GMFG: variants seen among roughly 807,000 people sequenced by gnomAD.
The protein encoded by GMFG is glia maturation factor gamma.
In GMFG, 21 loss-of-function variants were observed where a neutral mutation model predicts 26.1. The ratio of observed to expected loss-of-function variants is 0.80; its 90% CI spans 0.57 to 1.16. GMFG has a LOEUF of 1.16. Ranked by LOEUF, GMFG falls within the 50% of genes most tolerant of loss-of-function variation. The pLI is 0.00. For missense variants in GMFG, 161 were observed against 178.3 expected (o/e 0.90, Z 0.55); for synonymous variants, 65 against 60.8 (o/e 1.07, Z -0.32).
intron 1 of GMFG, 44 bp from the exon 2 acceptor site, chr19:39,335,575 C>T: frequency 2.3e-6 from 3 of 1,282,026 alleles, no homozygotes; most frequent in Non-Finnish European, 3.4e-6. Flanking sequence ...CTGGCCTCAG[C>T]CCTCACCCCT....
chr19:39,334,532 C>T (rs1032137273), intron 3 of GMFG, among the ~76,000 whole-genome samples: 6 of 151,620 alleles, frequency 4.0e-5, no homozygotes, highest in African/African-American at 1.2e-4. Flanking sequence ...CCTCCCAAAG[C>T]GCTGGGATTA....
chr19:39,330,623 G>T (rs996777253), intron 4 of GMFG, among the ~76,000 whole-genome samples: 4 of 149,594 alleles, frequency 2.7e-5, no homozygotes, highest in Non-Finnish European at 5.9e-5. Flanking sequence ...TTGAGACAGG[G>T]TCTCACTTTG....
At chr19:39,329,513 C>T (rs369802035) in intron 5 of GMFG, 31 bp downstream of exon 5, 1 of 1,301,712 alleles carries the variant, frequency 7.7e-7, no homozygotes, top group East Asian at 2.3e-5. Context: ...ATCGAAGACC[C>T]TCTCCTGAGG....
chr19:39,332,550 T>G (rs1268392207), intron 4 of GMFG, among the ~76,000 whole-genome samples: 1 of 149,178 alleles, frequency 6.7e-6, no homozygotes, highest in South Asian at 2.1e-4. Context: ...AAAAAAAGAC[T>G]CTTAAACCGG....
rs769527080 is a variant in GMFG at position 39,336,020 on chromosome 19, CT to C, written c.-45del. ...CCTCTTCTTTTCTTAGTTCCGCTGT[CT>C]TCTAGGCGTGGGGACCGGGGCTGTA... On this transcript the variant is annotated 5_prime_UTR_variant, in exon 1 of 7. Transcript: ENST00000597595. 6.3e-7 allele frequency: 1 copy of C among 1,582,314 alleles called. No homozygotes were observed.
chr19:39,328,878 T>TAA, intron 6 of GMFG, 122 bp downstream of exon 6: 4 of 779,488 alleles, frequency 5.1e-6, no homozygotes, highest in Non-Finnish European at 6.7e-6. Context: ...ACCCAGTTCT[T>TAA]TAAAAAAACA....
At chr19:39,334,811 T>C (rs2075242359) in intron 3 of GMFG, among the ~76,000 whole-genome samples, 1 of 152,136 alleles carries the variant, frequency 6.6e-6, no homozygotes, top group Admixed American at 6.5e-5. Context: ...GGGTCATGAG[T>C]GAGCTAGAAC....
Position 39,329,038 on chromosome 19 carries a change from T to A in GMFG, c.319A>T (p.Ser107Cys). ...GCTGTCTGCACCAGCCTGTTTTTAC[T>A]CCCTGCATACATCATCTGTTGTTCC... The part of the protein sequence containing the change: ...KPEQQMMYAG[S>C]KNRLVQTAEL... The change falls in exon 6 of 7, where the codon AGT (serine) becomes TGT (cysteine). Residue 107 changes from serine (S) to cysteine (C), a missense_variant. Physicochemically the swap from Ser to Cys is moderately radical, Grantham distance 112. Coordinates refer to ENST00000597595, the MANE Select transcript of GMFG (RefSeq NM_004877.4). The A allele has an allele frequency of 6.2e-7, 1 of 1,613,812 alleles. No homozygotes were observed. Among genetic ancestry groups the A allele is most frequent in the Non-Finnish European group, 8.5e-7 (1 of 1,179,712 alleles).
chr19:39,335,423 G>A lies in GMFG; in HGVS notation c.100+12C>T, dbSNP rs2075245193. On this transcript the variant is annotated intron_variant, in intron 2 of 6. Coordinates refer to ENST00000597595, the MANE Select transcript of GMFG (RefSeq NM_004877.4). ...GCCCTCCCATCCTTCTGTGGGGGAA[G>A]ATGTCACTCACTTATGATGGCTGCA... is the stretch of plus-strand genomic sequence containing the variant. The A allele has an allele frequency of 6.2e-7, 1 of 1,602,680 alleles. No homozygotes were observed. Among genetic ancestry groups the A allele is most frequent in the Admixed American group, 1.7e-5 (1 of 59,986 alleles).
At chr19:39,333,173 A>T in intron 3 of GMFG, 47 bp from the exon 4 acceptor site, 1 of 1,193,330 alleles carries the variant, frequency 8.4e-7, no homozygotes. Flanking sequence ...GGCAGGGCGC[A>T]GTGGCTCACA....
chr19:39,328,899 CAAAA>C (rs943100761), intron 6 of GMFG, 97 bp downstream of exon 6: 1 of 897,224 alleles, frequency 1.1e-6, no homozygotes, highest in African/African-American at 1.7e-5. Context: ...AAAACAAAAA[CAAAA>C]ACCACTGAGA....
intron 3 of GMFG, among the ~76,000 whole-genome samples, chr19:39,334,988 T>C (rs1327357841): frequency 6.6e-6 from 1 of 152,178 alleles, no homozygotes; most frequent in Non-Finnish European, 1.5e-5. Context: ...TAGCTGTGAT[T>C]ACAGGTGCCC....
chr19:39,332,063 C>T (rs908199811), intron 4 of GMFG, among the ~76,000 whole-genome samples: 2 of 151,702 alleles, frequency 1.3e-5, no homozygotes, highest in African/African-American at 4.8e-5. Flanking sequence ...AGGTCCTCCA[C>T]CAGGCGCGGT....
At chr19:39,328,630 G>A in intron 6 of GMFG, 82 bp from the exon 7 acceptor site, 2 of 1,011,694 alleles carry the variant, frequency 2.0e-6, no homozygotes, top group Non-Finnish European at 3.1e-6. Flanking sequence ...CTGTAAGAGA[G>A]CACTTTGGGA....
chr19:39,334,267 C>G (rs1165557657), intron 3 of GMFG, among the ~76,000 whole-genome samples: 1 of 152,118 alleles, frequency 6.6e-6, no homozygotes, highest in African/African-American at 2.4e-5. Flanking sequence ...CCGCCCGCCT[C>G]AGCCTCCCAA....
At chr19:39,329,716 C>A in intron 4 of GMFG, 90 bp from the exon 5 acceptor site, 1 of 806,844 alleles carries the variant, frequency 1.2e-6, no homozygotes, top group East Asian at 2.5e-5. Flanking sequence ...GAAATGTTGG[C>A]TGAGTCTGAG....
intron 3 of GMFG, among the ~76,000 whole-genome samples, chr19:39,334,517 C>T (rs1164059591): frequency 6.6e-6 from 1 of 152,202 alleles, no homozygotes. Context: ...ATCCTCCTGC[C>T]TCAGCCTCCC....
rs1276071537 is a variant in GMFG, at chr19:39,328,447, A to C, written c.*30T>G. On this transcript the variant is annotated 3_prime_UTR_variant, in exon 7 of 7. Coordinates refer to ENST00000597595, the MANE Select transcript of GMFG (RefSeq NM_004877.4). ...GTCCCCAGTCACCTTGAGGACTCAG[A>C]CATCAGGAATTCAGTCCCCAGCCCA... 1.3e-5 allele frequency: 19 copies of C among 1,484,436 alleles called. No homozygotes were observed. Among genetic ancestry groups the C allele is most frequent in the Middle Eastern group, 1.7e-4 (1 of 5,872 alleles). The allele number at this position is 1,484,436 out of a possible 1,614,324, so 92.0% of individuals were successfully genotyped here. A position where few individuals can be genotyped will look rare whatever the true frequency, so the allele number is the denominator to read the frequency against.
intron 2 of GMFG, 49 bp from the exon 3 acceptor site, chr19:39,335,359 G>A (rs1482964845): frequency 5.0e-6 from 8 of 1,597,536 alleles, no homozygotes; most frequent in Non-Finnish European, 6.0e-6. Context: ...TGATCCATGG[G>A]GGACACAAGC....
Sources: allele counts gnomAD v4.1 joint callset (sites outside exome capture counted in the v4.1 genomes callset), GRCh38; gene constraint gnomAD v4.1.1; transcripts MANE v1.5; gene names NCBI Gene and HGNC (gene_info 2026-07-23, HGNC 2026-07-21).